Variants in GULP1 observed in about 807,000 individuals in gnomAD.
GULP1 encodes PTB domain-containing engulfment adapter protein 1.
GULP1 carries 19 observed loss-of-function variants against 40.9 expected under a neutral mutation model. The observed-to-expected ratio is 0.46, with a 90% CI of 0.32 to 0.68. The LOEUF (loss-of-function observed/expected upper bound fraction) is 0.68, where lower values mean the gene tolerates loss of function less well. Ranked by LOEUF, GULP1 falls within the 30% of genes least tolerant of loss-of-function variation. The probability of loss-of-function intolerance (pLI) is 0.03; values close to 1 mark genes in which losing one functional copy is unlikely to be tolerated. For missense variants in GULP1, 312 were observed against 362.2 expected, an observed-to-expected ratio of 0.86 and a Z score of 1.12; for synonymous variants, 119 against 117.6, an observed-to-expected ratio of 1.01 and a Z score of -0.08.
At chr2:188,368,606 GATAA>G (rs1356404505) in intron 1 of GULP1, among the ~76,000 whole-genome samples, 1 of 150,310 alleles carries the variant, frequency 6.7e-6, no homozygotes, top group African/African-American at 2.4e-5. Flanking sequence ...TAAGTAAATA[GATAA>G]ATAAAATAGA....
intron 2 of GULP1, among the ~76,000 whole-genome samples, chr2:188,406,712 A>G (rs556968280): frequency 1.2e-3 from 181 of 152,218 alleles, no homozygotes; most frequent in Non-Finnish European, 2.2e-3. Context: ...AAGAAATATT[A>G]CAAGACTTAT....
chr2:188,400,074 G>A (rs544765303), intron 2 of GULP1, among the ~76,000 whole-genome samples: 1 of 152,224 alleles, frequency 6.6e-6, no homozygotes, highest in South Asian at 2.1e-4. Context: ...CAGTTATGGA[G>A]GATAGAAGCT....
At chr2:188,504,808 G>C (rs940712496) in intron 4 of GULP1, among the ~76,000 whole-genome samples, 1 of 151,700 alleles carries the variant, frequency 6.6e-6, no homozygotes, top group African/African-American at 2.4e-5. Context: ...TAAGTTAACT[G>C]GTTTTTTTGT....
chr2:188,365,210 A>G (rs2046623750), intron 1 of GULP1, among the ~76,000 whole-genome samples: 2 of 152,146 alleles, frequency 1.3e-5, no homozygotes, highest in East Asian at 1.9e-4. Context: ...GTGTGCTGGT[A>G]TGGCAGTACA....
chr2:188,471,877 G>A (rs546227790), intron 2 of GULP1, among the ~76,000 whole-genome samples: 24 of 152,132 alleles, frequency 1.6e-4, no homozygotes, highest in African/African-American at 5.5e-4. Context: ...TGTATCTTTG[G>A]TGTTGCTTAT....
intron 5 of GULP1, among the ~76,000 whole-genome samples, chr2:188,523,587 C>T (rs1158481966): frequency 6.6e-6 from 1 of 151,790 alleles, no homozygotes; most frequent in Non-Finnish European, 1.5e-5. Context: ...AAATGTTATT[C>T]TCTATAGTTG....
chr2:188,340,708 C>G (rs1183498823), intron 1 of GULP1, among the ~76,000 whole-genome samples: 1 of 152,106 alleles, frequency 6.6e-6, no homozygotes, highest in Non-Finnish European at 1.5e-5. Context: ...ACCCGTCACA[C>G]CCGAGCTCTT....
chr2:188,312,867 C>T (rs1020512006), intron 1 of GULP1, among the ~76,000 whole-genome samples: 8 of 152,046 alleles, frequency 5.3e-5, no homozygotes, highest in South Asian at 4.2e-4. Context: ...CTCTGATGGT[C>T]GGTGATGTTG....
chr2:188,364,903 TAC>T (rs146488035), intron 1 of GULP1, among the ~76,000 whole-genome samples: 7,056 of 147,516 alleles, frequency 0.048, 307 homozygotes, highest in East Asian at 0.18. Flanking sequence ...TATACACAAA[TAC>T]ACACACACAC....
At chr2:188,496,136 G>A (rs2062872615) in intron 4 of GULP1, among the ~76,000 whole-genome samples, 1 of 152,012 alleles carries the variant, frequency 6.6e-6, no homozygotes, top group Admixed American at 6.6e-5. Context: ...ATTCAGAGAA[G>A]CATGAGTCAC....
At chr2:188,485,726 C>T (rs1451111086) in intron 4 of GULP1, among the ~76,000 whole-genome samples, 1 of 151,954 alleles carries the variant, frequency 6.6e-6, no homozygotes, top group Non-Finnish European at 1.5e-5. Flanking sequence ...GATTACTCAT[C>T]AGTAAATAGG....
chr2:188,301,486 G>A (rs150617286), intron 1 of GULP1, among the ~76,000 whole-genome samples: 46 of 152,240 alleles, frequency 3.0e-4, no homozygotes, highest in African/African-American at 1.1e-3. Flanking sequence ...ATTATTGATA[G>A]TCCACTAAAA....
At chr2:188,450,337 A>T (rs1057337990) in intron 2 of GULP1, among the ~76,000 whole-genome samples, 1 of 152,180 alleles carries the variant, frequency 6.6e-6, no homozygotes, top group African/African-American at 2.4e-5. Flanking sequence ...TATAATAAAT[A>T]ACAGTTAAGT....
Position 188,594,194 on chromosome 2 carries a change from C to T in GULP1, c.*183C>T, listed in dbSNP as rs1704120998. ...TGATCTGTAATTTTTATTTTAAAAA[C>T]AGCTTACTGTAAAGTAGATCATACT... On this transcript the variant is annotated 3_prime_UTR_variant, in exon 12 of 12. Transcript: ENST00000409830. 2.3e-6 allele frequency: 1 copy of T among 444,022 alleles called. No individual in the cohort carries two copies. Among genetic ancestry groups the T allele is most frequent in the South Asian group, 4.8e-5 (1 of 20,760 alleles). The allele number at this position is 444,022 out of a possible 1,614,324, so 27.5% of individuals were successfully genotyped here. A position where few individuals can be genotyped will look rare whatever the true frequency, so the allele number is the denominator to read the frequency against.
At chr2:188,431,730 A>G (rs920907727) in intron 2 of GULP1, among the ~76,000 whole-genome samples, 1 of 152,040 alleles carries the variant, frequency 6.6e-6, no homozygotes, top group Non-Finnish European at 1.5e-5. Flanking sequence ...CATACTTTCT[A>G]TTTTGTTGTA....
Position 188,593,825 on chromosome 2 carries a change from T to G in GULP1, c.844-115T>G, listed in dbSNP as rs549646608. The G allele has an allele frequency of 1.1e-5, 7 of 640,260 alleles. No individual in the cohort carries two copies. The Admixed American group carries it at 1.8e-4, about 17-fold the overall frequency. 39.7% of individuals were successfully genotyped at this position (640,260 alleles called of 1,614,324 possible). ...CAAGTCAACATTTGACATATAGTTA[T>G]TTATTAGTTGATCAAAGCATGAATA... On this transcript the variant is annotated intron_variant, in intron 11 of 11. Transcript: ENST00000409830.
chr2:188,396,679 G>A (rs2051318217), intron 2 of GULP1, among the ~76,000 whole-genome samples: 3 of 152,202 alleles, frequency 2.0e-5, no homozygotes, highest in Admixed American at 2.0e-4. Flanking sequence ...ATTCATGGCT[G>A]CAGCACACTT....
At chr2:188,313,283 A>G (rs1456766098) in intron 1 of GULP1, among the ~76,000 whole-genome samples, 1 of 151,942 alleles carries the variant, frequency 6.6e-6, no homozygotes, top group Non-Finnish European at 1.5e-5. Flanking sequence ...ATCCATCTTG[A>G]GTTAATTTTT....
At chr2:188,402,390 C>T (rs920592004) in intron 2 of GULP1, among the ~76,000 whole-genome samples, 22 of 151,948 alleles carry the variant, frequency 1.4e-4, no homozygotes, top group Admixed American at 3.9e-4. Flanking sequence ...CTACAAAACT[C>T]GAACATTCTT....
Sources: allele counts gnomAD v4.1 joint callset (sites outside exome capture counted in the v4.1 genomes callset), GRCh38; gene constraint gnomAD v4.1.1; transcripts MANE v1.5; gene names NCBI Gene and HGNC (gene_info 2026-07-23, HGNC 2026-07-21).